The following PAMR1 variants were observed in gnomAD, a reference collection of about 807,000 sequenced individuals.
PAMR1 encodes peptidase domain containing associated with muscle regeneration 1, also known as inactive serine protease PAMR1.
In PAMR1, 88 loss-of-function variants were observed where a neutral mutation model predicts 81.8. The ratio of observed to expected loss-of-function variants is 1.08; its 90% CI spans 0.91 to 1.28. The LOEUF is 1.28. PAMR1 is among the 50% of genes most tolerant of loss of function. The pLI, the probability that PAMR1 is intolerant of heterozygous loss-of-function variation, is 0.00. For missense variants in PAMR1, 935 were observed against 919.7 expected (o/e 1.02, Z -0.21); for synonymous variants, 336 against 345.3 (o/e 0.97, Z 0.30).
chr11:35,449,174 A>T (rs913406321), intron 6 of PAMR1, among the ~76,000 whole-genome samples: 3 of 152,200 alleles, frequency 2.0e-5, no homozygotes, highest in Non-Finnish European at 4.4e-5. Context: ...GAGCAGGTGC[A>T]CTGCACTGGG....
intron 1 of PAMR1, among the ~76,000 whole-genome samples, chr11:35,504,813 C>T (rs575294909): frequency 6.6e-6 from 1 of 151,384 alleles, no homozygotes; most frequent in African/African-American, 2.4e-5. Context: ...TTCAAAAAAC[C>T]AACTTTTTGT....
At chr11:35,473,366 G>C (rs1234156653) in intron 4 of PAMR1, among the ~76,000 whole-genome samples, 1 of 152,118 alleles carries the variant, frequency 6.6e-6, no homozygotes, top group African/African-American at 2.4e-5. Flanking sequence ...ATATCCTTTT[G>C]CATCTTGGAT....
chr11:35,518,426 C>G (rs1032751544), intron 1 of PAMR1, among the ~76,000 whole-genome samples: 3 of 151,792 alleles, frequency 2.0e-5, no homozygotes, highest in Non-Finnish European at 4.4e-5. Flanking sequence ...AAATTCCCTT[C>G]TTACCCTTTC....
chr11:35,439,141 A>G (rs114334808), intron 8 of PAMR1, among the ~76,000 whole-genome samples: 172 of 152,332 alleles, frequency 1.1e-3, no homozygotes, highest in African/African-American at 3.9e-3. Flanking sequence ...AAGGTTGAGC[A>G]TACCAGAGGG....
chr11:35,514,820 C>T (rs1851134068), intron 1 of PAMR1, among the ~76,000 whole-genome samples: 1 of 152,024 alleles, frequency 6.6e-6, no homozygotes, highest in Non-Finnish European at 1.5e-5. Context: ...CCCACCCCCG[C>T]ACCACACCCC....
chr11:35,461,072 A>G (rs1298893354), intron 6 of PAMR1, among the ~76,000 whole-genome samples: 1 of 152,198 alleles, frequency 6.6e-6, no homozygotes, highest in Admixed American at 6.5e-5. Flanking sequence ...AGTGATGATG[A>G]GCACCCTTCT....
intron 9 of PAMR1, among the ~76,000 whole-genome samples, chr11:35,435,436 G>A (rs904655517): frequency 4.6e-4 from 70 of 152,082 alleles, no homozygotes; most frequent in African/African-American, 1.6e-3. Context: ...TCGAGCTCCT[G>A]ACCTCAAATG....
At chr11:35,507,791 T>C (rs1030633813) in intron 1 of PAMR1, among the ~76,000 whole-genome samples, 1 of 99,204 alleles carries the variant, frequency 1.0e-5, no homozygotes, top group Non-Finnish European at 1.9e-5. Context: ...ATTTACCTAT[T>C]GAAATCTTTT....
chr11:35,474,799 C>T, intron 3 of PAMR1, 55 bp from the exon 4 acceptor site: 1 of 1,193,150 alleles, frequency 8.4e-7, no homozygotes, highest in Admixed American at 1.8e-5. Context: ...AGGAAAGAGA[C>T]TAGAGAAGGT....
intron 6 of PAMR1, among the ~76,000 whole-genome samples, chr11:35,443,520 C>G (rs1856224645): frequency 6.6e-6 from 1 of 152,162 alleles, no homozygotes; most frequent in African/African-American, 2.4e-5. Context: ...TCATCCATGT[C>G]CCTGCAATGG....
At chr11:35,474,801 A>C in intron 3 of PAMR1, 57 bp from the exon 4 acceptor site, 3 of 1,171,940 alleles carry the variant, frequency 2.6e-6, no homozygotes, top group Non-Finnish European at 3.8e-6. Context: ...GAAAGAGACT[A>C]GAGAAGGTCT....
At chr11:35,474,843 G>A (rs916743697) in intron 3 of PAMR1, 99 bp from the exon 4 acceptor site, 4 of 728,740 alleles carry the variant, frequency 5.5e-6, no homozygotes, top group Non-Finnish European at 9.5e-6. Flanking sequence ...CCACACCCCT[G>A]AGAACAGGAT....
At position 35,468,046 on chromosome 11, in the gene PAMR1, T is replaced by G; in HGVS notation, c.775A>C (p.Lys259Gln). ...TCVLDKAGSY[K>Q]CACLAGYTGQ... is the part of the protein sequence containing the mutation. ...GTATAGCCTGCCAAGCAGGCACACT[T>G]GTAAGATCCAGCCTTGTCAAGGACG... The change falls in exon 6 of 11, where the codon AAG (lysine) becomes CAG (glutamine). Residue 259 changes from lysine (K) to glutamine (Q), a missense_variant. By Grantham distance (53) the Lys-to-Gln change is moderately conservative (BLOSUM62 1). Coordinates refer to ENST00000619888, the MANE Select transcript of PAMR1 (RefSeq NM_001001991.3). 2 of 1,562,752 alleles carry G rather than the reference T, an allele frequency of 1.3e-6. No homozygotes were observed. The highest frequency in any genetic ancestry group is 1.7e-6 in the Non-Finnish European group (2 of 1,151,898).
At chr11:35,440,896 T>C (rs567357168) in intron 7 of PAMR1, among the ~76,000 whole-genome samples, 19 of 152,296 alleles carry the variant, frequency 1.2e-4, no homozygotes, top group African/African-American at 3.8e-4. Context: ...CCAGACTGGC[T>C]CCAGTCCTAC....
chr11:35,432,429 C>CA lies in PAMR1; in HGVS notation c.2089dup (p.Cys697LeufsTer16). ...GAAGGCAGTGGAGAGCCTGTGGCTG[C>CA]ATGTTTTATCATAGCTCCAGCTGAC... On this transcript the variant is annotated frameshift_variant, in exon 11 of 11. Transcript: ENST00000619888. LOFTEE classifies it high-confidence loss of function. 1 of 1,614,144 alleles carries CA rather than the reference C, an allele frequency of 6.2e-7. No homozygotes were observed. Among genetic ancestry groups the CA allele is most frequent in the East Asian group, 2.2e-5 (1 of 44,890 alleles).
chr11:35,525,405 A>T, intron 1 of PAMR1, 108 bp downstream of exon 1: 1 of 872,598 alleles, frequency 1.1e-6, no homozygotes, highest in Non-Finnish European at 1.9e-6. Context: ...CCAAACACAC[A>T]CAGCCCACCT....
intron 8 of PAMR1, among the ~76,000 whole-genome samples, chr11:35,438,809 G>T (rs1200477922): frequency 6.6e-6 from 1 of 152,136 alleles, no homozygotes; most frequent in South Asian, 2.1e-4. Context: ...CTGGGTAAAG[G>T]GGTCCACTAG....
At chr11:35,503,218 C>A (rs1850886941) in intron 1 of PAMR1, among the ~76,000 whole-genome samples, 1 of 151,160 alleles carries the variant, frequency 6.6e-6, no homozygotes, top group Non-Finnish European at 1.5e-5. Flanking sequence ...TATGTAAGTA[C>A]CAGGCTGGTT....
At chr11:35,520,733 T>C (rs1197107971) in intron 1 of PAMR1, among the ~76,000 whole-genome samples, 2 of 152,218 alleles carry the variant, frequency 1.3e-5, no homozygotes, top group Non-Finnish European at 2.9e-5. Context: ...TCATTTATCA[T>C]GGAAATGGCA....
Sources: gnomAD v4.1 joint callset for allele counts (sites outside exome capture counted in the v4.1 genomes callset) on GRCh38, gnomAD v4.1.1 for gene constraint, MANE v1.5 for transcripts, NCBI Gene and HGNC (gene_info 2026-07-23, HGNC 2026-07-21) for gene names.